Variants in GABPB1 observed in about 807,000 individuals in gnomAD.
GABPB1 encodes the protein GA binding protein transcription factor subunit beta 1.
A neutral mutation model predicts 45.9 loss-of-function variants in GABPB1; 15 were observed. That is an observed-to-expected ratio of 0.33 (90% CI 0.22 to 0.50). The LOEUF is 0.50. GABPB1 is among the 20% of genes least tolerant of loss of function. GABPB1 has a pLI of 0.98. For missense variants in GABPB1, 252 were observed against 457.5 expected (o/e 0.55, Z 4.10); for synonymous variants, 143 against 154.4 (o/e 0.93, Z 0.55).
chr15:50,316,493 A>T (rs528728896), intron 1 of GABPB1, among the ~76,000 whole-genome samples: 1 of 152,324 alleles, frequency 6.6e-6, no homozygotes, highest in Admixed American at 6.5e-5. Context: ...CACATTAAAA[A>T]TTTAAAATAA....
chr15:50,311,134 T>C (rs1649647336), intron 1 of GABPB1, among the ~76,000 whole-genome samples: 2 of 152,164 alleles, frequency 1.3e-5, no homozygotes. Context: ...AGAAAAAAGA[T>C]TATGACAGTA....
intron 1 of GABPB1, among the ~76,000 whole-genome samples, chr15:50,318,740 T>C (rs1240972942): frequency 6.6e-6 from 1 of 152,144 alleles, no homozygotes; most frequent in East Asian, 1.9e-4. Flanking sequence ...AAGAAGAGAA[T>C]GAATGTCAGT....
intron 1 of GABPB1, among the ~76,000 whole-genome samples, chr15:50,312,127 T>C (rs2047150835): frequency 6.6e-6 from 1 of 152,070 alleles, no homozygotes; most frequent in African/African-American, 2.4e-5. Flanking sequence ...GGTGAATCAC[T>C]TGAGGTCAGG....
chr15:50,282,853 G>A (rs1052752059), intron 8 of GABPB1, among the ~76,000 whole-genome samples: 2 of 152,040 alleles, frequency 1.3e-5, no homozygotes, highest in African/African-American at 4.8e-5. Context: ...TCAGGAGTTC[G>A]AGATCAGCCT....
At chr15:50,322,501 G>A (rs1007098799) in intron 1 of GABPB1, among the ~76,000 whole-genome samples, 2 of 151,860 alleles carry the variant, frequency 1.3e-5, no homozygotes, top group Non-Finnish European at 2.9e-5. Context: ...ACCCAAGATT[G>A]CGCCACTGCA....
rs529331377 is a variant in GABPB1, at chr15:50,284,124, G to A, written c.999+1944C>T. ...TTAATGGCCAAGCTGTCCCTTAGGAGTATAAAAGTCTCCCCCCAAGATAAC... is the reference window on the plus strand; with the variant it reads ...TTAATGGCCAAGCTGTCCCTTAGGAATATAAAAGTCTCCCCCCAAGATAAC... On this transcript the variant is annotated intron_variant, in intron 8 of 8. Coordinates refer to ENST00000380877, the MANE Select transcript of GABPB1 (RefSeq NM_016654.5). Among the ~76,000 whole-genome samples the A allele has an allele frequency of 5.7e-4, 87 of 152,164 alleles. 1 individual carries two copies. The highest frequency in any genetic ancestry group is 4.3e-3 in the Admixed American group (65 of 15,282).
intron 1 of GABPB1, among the ~76,000 whole-genome samples, chr15:50,330,558 G>T (rs1436846212): frequency 2.7e-5 from 4 of 145,818 alleles, no homozygotes; most frequent in Non-Finnish European, 5.9e-5. Flanking sequence ...CCTTATTCCA[G>T]ACCCAATTCT....
At chr15:50,280,619 G>A (rs1228969004) in intron 8 of GABPB1, among the ~76,000 whole-genome samples, 2 of 152,008 alleles carry the variant, frequency 1.3e-5, no homozygotes, top group Non-Finnish European at 2.9e-5. Context: ...GGTGGTATGC[G>A]CCTGTAGTCC....
intron 8 of GABPB1, chr15:50,285,785 T>C: frequency 8.3e-7 from 1 of 1,211,972 alleles, no homozygotes. Context: ...ATGGTGTGTG[T>C]AAGTTTAAAA....
chr15:50,315,187 A>G (rs576661380), intron 1 of GABPB1, among the ~76,000 whole-genome samples: 3 of 152,306 alleles, frequency 2.0e-5, no homozygotes, highest in African/African-American at 7.2e-5. Context: ...GCTGGAGTAC[A>G]GCGGTGAGAT....
Position 50,303,100 on chromosome 15 carries a change from C to G in GABPB1, c.300G>C (p.Lys100Asn). 1 of 1,611,822 alleles carries G rather than the reference C, an allele frequency of 6.2e-7. No individual in the cohort carries two copies. Among genetic ancestry groups the G allele is most frequent in the Non-Finnish European group, 8.5e-7 (1 of 1,179,526 alleles). The change falls in exon 4 of 9, where the codon AAG becomes AAC. Residue 100 changes from lysine (K) to asparagine (N), a missense_variant. Physicochemically the swap from Lys to Asn is moderately conservative, Grantham distance 94 (BLOSUM62 0). This residue lies in a region of GABPB1 where 35 missense variants were observed against 143.7 expected (regional missense o/e 0.24). Coordinates refer to ENST00000380877, the MANE Select transcript of GABPB1 (RefSeq NM_016654.5). ...GGAGAGCTGTCATCTTTAACATGTC[C>G]TTTGCATTGACATCAGCACCATGCT... is the stretch of plus-strand genomic sequence containing the variant. ...LLKHGADVNAKDMLKMTALHW... is the reference protein window; with the variant it reads ...LLKHGADVNANDMLKMTALHW...
At chr15:50,289,803 C>T (rs1200881585) in intron 6 of GABPB1, 135 bp from the exon 7 acceptor site, 3 of 635,444 alleles carry the variant, frequency 4.7e-6, no homozygotes, top group Admixed American at 3.1e-5. Flanking sequence ...GATAGGGTCT[C>T]ACTCTGATGC....
chr15:50,298,780 C>T (rs112953349), intron 6 of GABPB1, among the ~76,000 whole-genome samples: 133 of 152,060 alleles, frequency 8.7e-4, no homozygotes, highest in African/African-American at 3.1e-3. Flanking sequence ...GGTGAAACCC[C>T]GTCCCTACTA....
intron 1 of GABPB1, among the ~76,000 whole-genome samples, chr15:50,327,719 G>A (rs760716251): frequency 6.6e-6 from 1 of 152,082 alleles, no homozygotes; most frequent in Admixed American, 6.6e-5. Flanking sequence ...GACCAACATG[G>A]AGAAACCCCA....
intron 1 of GABPB1, among the ~76,000 whole-genome samples, chr15:50,338,840 G>A (rs1343942691): frequency 1.3e-5 from 2 of 152,102 alleles, no homozygotes; most frequent in African/African-American, 2.4e-5. Context: ...ATCTATTTTT[G>A]TTTCTTTGAA....
At chr15:50,354,203 T>C (rs1449609370) in intron 1 of GABPB1, 4 of 341,148 alleles carry the variant, frequency 1.2e-5, no homozygotes, top group Admixed American at 8.1e-5. Context: ...AGAGATGACC[T>C]GGCAAAATTC....
chr15:50,338,382 G>A (rs1367515628), intron 1 of GABPB1, among the ~76,000 whole-genome samples: 3 of 151,916 alleles, frequency 2.0e-5, no homozygotes, highest in Non-Finnish European at 2.9e-5. Flanking sequence ...ATGACTCCTT[G>A]TCTCCATTAG....
intron 2 of GABPB1, among the ~76,000 whole-genome samples, chr15:50,305,367 G>T (rs1033360345): frequency 3.3e-5 from 5 of 151,972 alleles, no homozygotes; most frequent in Non-Finnish European, 5.9e-5. Context: ...TAGAGACAGG[G>T]CCTCACTGTG....
At chr15:50,312,142 C>G (rs1224211186) in intron 1 of GABPB1, among the ~76,000 whole-genome samples, 2 of 151,876 alleles carry the variant, frequency 1.3e-5, no homozygotes, top group African/African-American at 4.8e-5. Context: ...GTCAGGTGTT[C>G]GAGACCAGCC....
Sources: allele counts gnomAD v4.1 joint callset (sites outside exome capture counted in the v4.1 genomes callset), GRCh38; gene constraint gnomAD v4.1.1; regional missense constraint gnomAD v4.1.1; transcripts MANE v1.5; gene names NCBI Gene and HGNC (gene_info 2026-07-23, HGNC 2026-07-21).